The following PRODH2 variants were observed in gnomAD, a reference collection of about 807,000 sequenced individuals.
The protein encoded by PRODH2 is proline dehydrogenase 2, also known as hydroxyproline dehydrogenase.
A neutral mutation model predicts 51.9 loss-of-function variants in PRODH2; 49 were observed. The observed-to-expected ratio is 0.94, with a 90% CI of 0.75 to 1.20. The LOEUF (loss-of-function observed/expected upper bound fraction) is 1.20, where lower values mean the gene tolerates loss of function less well. Ranked by LOEUF, PRODH2 falls within the 50% of genes most tolerant of loss-of-function variation. The pLI, the probability that PRODH2 is intolerant of heterozygous loss-of-function variation, is 0.00. For missense variants in PRODH2, 597 were observed against 610.9 expected (o/e 0.98, Z 0.24); for synonymous variants, 249 against 260.7 (o/e 0.96, Z 0.43).
intron 9 of PRODH2, among the ~76,000 whole-genome samples, chr19:35,800,801 T>C (rs1283503453): frequency 6.6e-6 from 1 of 151,948 alleles, no homozygotes; most frequent in Admixed American, 6.6e-5. Context: ...CAAACAATCC[T>C]CCCACCTCAG....
At chr19:35,810,304 A>G (rs1232706164) in intron 4 of PRODH2, among the ~76,000 whole-genome samples, 1 of 147,912 alleles carries the variant, frequency 6.8e-6, no homozygotes, top group South Asian at 2.1e-4. Flanking sequence ...TAAATAGATA[A>G]ACAAATAAAA....
At chr19:35,809,559 C>T (rs935295869) in intron 4 of PRODH2, among the ~76,000 whole-genome samples, 15 of 152,048 alleles carry the variant, frequency 9.9e-5, no homozygotes, top group African/African-American at 3.6e-4. Flanking sequence ...TGTCACTCTC[C>T]CTACAGGAAT....
chr19:35,809,674 A>C (rs1599822818), intron 4 of PRODH2, among the ~76,000 whole-genome samples: 1 of 152,172 alleles, frequency 6.6e-6, no homozygotes, highest in Non-Finnish European at 1.5e-5. Context: ...AAAAATTACA[A>C]ATAAGGCCAG....
chr19:35,811,242 C>G (rs949867130), intron 4 of PRODH2, among the ~76,000 whole-genome samples: 2 of 151,666 alleles, frequency 1.3e-5, no homozygotes, highest in Non-Finnish European at 2.9e-5. Context: ...ATCATAGAAA[C>G]AAAAAGATAT....
Position 35,812,129 on chromosome 19 carries a change from C to T in PRODH2, c.510+5G>A. ...TCCCCGCACCCCCGTCTTTGCACTC[C>T]TTACACAGAGCCGAGTACTGGTCAG... On this transcript the variant is annotated splice_donor_5th_base_variant and intron_variant, in intron 3 of 9. Coordinates refer to ENST00000653904, the MANE Select transcript of PRODH2 (RefSeq NM_021232.2). The T allele has an allele frequency of 6.2e-7, 1 of 1,613,996 alleles. No individual in the cohort carries two copies. The highest frequency in any genetic ancestry group is 2.2e-5 in the East Asian group (1 of 44,886).
Position 35,807,039 on chromosome 19 carries a change from A to G in PRODH2, c.678+2T>C. ...GGTGCTGGTTCCAGCAGGAGGGGTT[A>G]CCTGTGCCACCCGATGCAGGCGGCT... On this transcript the variant is annotated splice_donor_variant, in intron 5 of 9. Coordinates refer to ENST00000653904, the MANE Select transcript of PRODH2 (RefSeq NM_021232.2). LOFTEE classifies it high-confidence loss of function. The G allele has an allele frequency of 6.5e-7, 1 of 1,550,338 alleles. No individual in the cohort carries two copies. Among genetic ancestry groups the G allele is most frequent in the Non-Finnish European group, 8.7e-7 (1 of 1,146,876 alleles).
intron 4 of PRODH2, among the ~76,000 whole-genome samples, chr19:35,810,183 C>T (rs8103287): frequency 0.41 from 60,194 of 146,852 alleles, 12,714 homozygotes; most frequent in African/African-American, 0.5. Context: ...CAGGAGAACC[C>T]GGGAGGCGGA....
In PRODH2 at chr19:35,806,494, C is replaced by A; in HGVS notation, c.937G>T (p.Ala313Ser). Reference sequence around the variant, plus strand: ...TCCATCCCATGGAGCTGGGCCACCGCTCTCTCCTTGTCCAGATATGCACCT... The same window carrying A: ...TCCATCCCATGGAGCTGGGCCACCGATCTCTCCTTGTCCAGATATGCACCT... Reference protein sequence around the residue: ...VRGAYLDKERAVAQLHGMEDP... With the variant: ...VRGAYLDKERSVAQLHGMEDP... Residue 313 changes from alanine (A) to serine (S), a missense_variant, in exon 7 of 10, where the codon GCG becomes TCG. By Grantham distance (99) the Ala-to-Ser change is moderately conservative (BLOSUM62 1). Transcript: ENST00000653904. 1 of 1,614,184 alleles carries A rather than the reference C, an allele frequency of 6.2e-7. No homozygotes were observed. The highest frequency in any genetic ancestry group is 8.5e-7 in the Non-Finnish European group (1 of 1,180,038).
At chr19:35,800,326 T>G in intron 9 of PRODH2, 104 bp from the exon 10 acceptor site, 1 of 1,048,220 alleles carries the variant, frequency 9.5e-7, no homozygotes, top group Non-Finnish European at 1.3e-6. Flanking sequence ...CTCAGCTCAC[T>G]GCAAGCTCTG....
In PRODH2 at chr19:35,812,654, G is replaced by C. The variant is rs748791947; in HGVS notation, c.152C>G (p.Pro51Arg). The C allele has an allele frequency of 1.9e-6, 3 of 1,594,596 alleles. No individual in the cohort carries two copies. Among genetic ancestry groups the C allele is most frequent in the African/African-American group, 1.3e-5 (1 of 74,726 alleles). Residue 51 changes from proline to arginine, a missense_variant, in exon 1 of 10, where the codon CCA becomes CGA. Pro to Arg is a moderately radical substitution (Grantham distance 103, BLOSUM62 -2). Coordinates refer to ENST00000653904, the MANE Select transcript of PRODH2 (RefSeq NM_021232.2). ...CACCAACAGCCCGTGAGTGACGAGT[G>C]GGGGCCAGGCACACAGCCGGAGAAC... ...LLVLRLCAWP[P>R]LVTHGLLLQA...
At chr19:35,803,142 G>T in intron 7 of PRODH2, 64 bp from the exon 8 acceptor site, 1 of 1,211,968 alleles carries the variant, frequency 8.3e-7, no homozygotes, top group Non-Finnish European at 1.1e-6. Flanking sequence ...CGACTGGGGT[G>T]GGTGGGGTGC....
intron 4 of PRODH2, among the ~76,000 whole-genome samples, chr19:35,809,222 T>C (rs1004645430): frequency 4.6e-5 from 7 of 151,746 alleles, no homozygotes; most frequent in African/African-American, 1.7e-4. Flanking sequence ...GCCTCCCAAG[T>C]AGCCAGGATT....
chr19:35,806,876 G>T, intron 5 of PRODH2, 46 bp from the exon 6 acceptor site: 1 of 1,558,908 alleles, frequency 6.4e-7, no homozygotes, highest in African/African-American at 1.4e-5. Flanking sequence ...TGTCCAGCAG[G>T]GGCAGTGGAG....
Position 35,812,430 on chromosome 19 carries a change from G to A in PRODH2, c.301C>T (p.Arg101Trp), listed in dbSNP as rs770502391. 32 of 1,614,096 alleles carry A rather than the reference G, an allele frequency of 2.0e-5. 1 individual carries two copies. Among genetic ancestry groups the A allele is most frequent in the Middle Eastern group, 3.3e-4 (2 of 6,084 alleles). ...AGCAGTGGTCGGAGGCTGAGGGTCCGCAGCTGCTGCACGCAGCCCTTCACC... is the reference window on the plus strand; with the variant it reads ...AGCAGTGGTCGGAGGCTGAGGGTCCACAGCTGCTGCACGCAGCCCTTCACC... ...EEVKGCVQQL[R>W]TLSLRPLLAV... The change falls in exon 2 of 10, where the codon CGG becomes TGG. Residue 101 changes from arginine (R) to tryptophan (W), a missense_variant. Transcript: ENST00000653904.
At chr19:35,805,625 G>T (rs1247060137) in intron 7 of PRODH2, among the ~76,000 whole-genome samples, 1 of 151,988 alleles carries the variant, frequency 6.6e-6, no homozygotes, top group Non-Finnish European at 1.5e-5. Flanking sequence ...GTGCAGATTG[G>T]GCTCAAACCC....
chr19:35,806,361 G>C, intron 7 of PRODH2, 69 bp downstream of exon 7: 1 of 1,574,244 alleles, frequency 6.4e-7, no homozygotes, highest in Non-Finnish European at 8.7e-7. Flanking sequence ...TGGGATTACA[G>C]GTATGAGCCA....
At chr19:35,802,024 A>G in intron 9 of PRODH2, 167 bp downstream of exon 9, 1 of 649,304 alleles carries the variant, frequency 1.5e-6, no homozygotes, top group Non-Finnish European at 2.7e-6. Flanking sequence ...CAGAAATGAC[A>G]GACGGCAGAC....
chr19:35,802,947 G>A (rs777209147), intron 8 of PRODH2, 21 bp downstream of exon 8: 32 of 1,497,256 alleles, frequency 2.1e-5, no homozygotes, highest in Admixed American at 4.1e-5. Context: ...CCTATTTCCC[G>A]CCCATCCCTC....
chr19:35,806,977 T>C, intron 5 of PRODH2, 64 bp downstream of exon 5: 1 of 1,544,348 alleles, frequency 6.5e-7, no homozygotes, highest in Non-Finnish European at 8.7e-7. Flanking sequence ...AGGGGTTACC[T>C]GTGCCACCCA....
Sources: allele counts gnomAD v4.1 joint callset (sites outside exome capture counted in the v4.1 genomes callset), GRCh38; gene constraint gnomAD v4.1.1; transcripts MANE v1.5; gene names NCBI Gene and HGNC (gene_info 2026-07-23, HGNC 2026-07-21).